The following ZNF609 variants were observed in gnomAD, a reference collection of about 807,000 sequenced individuals.
The protein encoded by ZNF609 is zinc finger protein 609.
Under a neutral mutation model 109.5 loss-of-function variants are expected in ZNF609, and 11 were observed. The observed-to-expected ratio is 0.10, with a 90% CI of 0.06 to 0.17. The LOEUF is 0.17. ZNF609 is among the 10% of genes least tolerant of loss of function. The pLI, the probability that ZNF609 is intolerant of heterozygous loss-of-function variation, is 1.00. For synonymous variants in ZNF609, 646 were observed against 662.0 expected (o/e 0.98, Z 0.37); for missense variants, 1,559 against 1,772.4 (o/e 0.88, Z 2.16).
rs2083227491 is a variant in ZNF609, at chr15:64,684,171, T to C, written c.*2485T>C. The stretch of plus-strand genomic sequence containing the variant: ...TCTTGACAAGTGCTGAGTGAAAGAT[T>C]TGCTGCCCACCTCTACATGGGGAGG... On this transcript the variant is annotated 3_prime_UTR_variant, in exon 10 of 10. Transcript: ENST00000326648. 1 of 152,108 alleles carries C rather than the reference T, an allele frequency of 6.6e-6. No homozygotes were observed. The highest frequency in any genetic ancestry group is 2.4e-5 in the African/African-American group (1 of 41,416). The allele number at this position is 152,108 out of a possible 1,614,324, so 9.4% of individuals were successfully genotyped here.
chr15:64,618,844 G>T (rs1595741204), intron 2 of ZNF609, among the ~76,000 whole-genome samples: 1 of 152,198 alleles, frequency 6.6e-6, no homozygotes, highest in East Asian at 1.9e-4. Context: ...CCGCTTGTGT[G>T]TCTGCCTGCT....
Position 64,500,141 on chromosome 15 carries a change from T to G in ZNF609, c.722T>G (p.Leu241Arg), listed in dbSNP as rs1468422263. Reference protein sequence around the residue: ...EPEEGENECRLLKKVKSEKME... With the variant: ...EPEEGENECRRLKKVKSEKME... ...GAGGAAGGGGAGAATGAGTGTCGCCTGCTAAAGAAAGTCAAGTCTGAAAAG... is the reference window on the plus strand; with the variant it reads ...GAGGAAGGGGAGAATGAGTGTCGCCGGCTAAAGAAAGTCAAGTCTGAAAAG... Residue 241 changes from leucine (L) to arginine (R), a missense_variant, in exon 2 of 10, where the codon CTG becomes CGG. By Grantham distance (102) the Leu-to-Arg change is moderately radical. Transcript: ENST00000326648. The G allele has an allele frequency of 6.2e-7, 1 of 1,613,566 alleles. No homozygotes were observed. Among genetic ancestry groups the G allele is most frequent in the Non-Finnish European group, 8.5e-7 (1 of 1,180,012 alleles).
intron 2 of ZNF609, among the ~76,000 whole-genome samples, chr15:64,601,163 T>G (rs1895491703): frequency 6.6e-6 from 1 of 152,176 alleles, no homozygotes; most frequent in Admixed American, 6.5e-5. Flanking sequence ...ATAATTTTAT[T>G]TTACAATAAA....
In ZNF609 at chr15:64,564,741, G is replaced by A. The variant is rs1028344287; in HGVS notation, c.748-58086G>A. Reference sequence around the variant, plus strand: ...GTCTGGGTTTTATTAAACCAGATACGTATAAGAGCATGTCAAATTTAACCA... The same window carrying A: ...GTCTGGGTTTTATTAAACCAGATACATATAAGAGCATGTCAAATTTAACCA... On this transcript the variant is annotated intron_variant, in intron 2 of 9. Coordinates refer to ENST00000326648, the MANE Select transcript of ZNF609 (RefSeq NM_015042.2). Among the ~76,000 whole-genome samples, 5 of 151,948 alleles carry A rather than the reference G, an allele frequency of 3.3e-5. No individual in the cohort carries two copies. In the East Asian group the frequency reaches 5.8e-4, roughly 18 times the overall value.
chr15:64,574,650 A>C (rs1894918704), intron 2 of ZNF609, among the ~76,000 whole-genome samples: 1 of 152,194 alleles, frequency 6.6e-6, no homozygotes, highest in Non-Finnish European at 1.5e-5. Flanking sequence ...CAGCTGCCCC[A>C]GATAACCTGC....
At chr15:64,635,628 G>A (rs999782212) in intron 3 of ZNF609, among the ~76,000 whole-genome samples, 1 of 152,160 alleles carries the variant, frequency 6.6e-6, no homozygotes, top group African/African-American at 2.4e-5. Context: ...GAGCCCTCTG[G>A]TCTTAGTGCT....
chr15:64,594,860 A>C (rs1031933756), intron 2 of ZNF609, among the ~76,000 whole-genome samples: 3 of 150,100 alleles, frequency 2.0e-5, no homozygotes, highest in African/African-American at 7.4e-5. Context: ...CCTCGTCTCT[A>C]CTAAAAATAC....
intron 1 of ZNF609, among the ~76,000 whole-genome samples, chr15:64,462,416 A>T (rs944388686): frequency 6.6e-6 from 1 of 152,180 alleles, no homozygotes; most frequent in African/African-American, 2.4e-5. Flanking sequence ...TGAATGGAAC[A>T]CTCATGCAGT....
chr15:64,534,887 G>A (rs1894116107), intron 2 of ZNF609, among the ~76,000 whole-genome samples: 1 of 151,866 alleles, frequency 6.6e-6, no homozygotes, highest in African/African-American at 2.4e-5. Flanking sequence ...ACAAAAATTA[G>A]ACGGGCATGG....
At chr15:64,529,780 G>A (rs1894030428) in intron 2 of ZNF609, 1 of 496,496 alleles carries the variant, frequency 2.0e-6, no homozygotes, top group Non-Finnish European at 3.8e-6. Flanking sequence ...ACCCAGGCTG[G>A]AGTGCAATGG....
intron 3 of ZNF609, among the ~76,000 whole-genome samples, chr15:64,634,078 A>G (rs79947369): frequency 0.052 from 7,914 of 151,614 alleles, 288 homozygotes; most frequent in African/African-American, 0.1. Flanking sequence ...GCATATATAT[A>G]TGTGTGTGTG....
intron 7 of ZNF609, 65 bp from the exon 8 acceptor site, chr15:64,680,581 G>T: frequency 7.4e-7 from 1 of 1,354,976 alleles, no homozygotes; most frequent in Middle Eastern, 2.2e-4. Flanking sequence ...GTGTGTGTGT[G>T]TGTGTGTGGT....
chr15:64,483,950 A>G (rs1224101598), intron 1 of ZNF609, among the ~76,000 whole-genome samples: 1 of 151,840 alleles, frequency 6.6e-6, no homozygotes, highest in African/African-American at 2.4e-5. Flanking sequence ...CTGCCTGCTT[A>G]CTTGGTTTTG....
intron 3 of ZNF609, among the ~76,000 whole-genome samples, chr15:64,661,483 A>G (rs1427489428): frequency 6.6e-6 from 1 of 152,188 alleles, no homozygotes; most frequent in Non-Finnish European, 1.5e-5. Flanking sequence ...GTTAGGGTGT[A>G]TTTGTATCCA....
At chr15:64,637,891 TTTTG>T (rs1248346881) in intron 3 of ZNF609, among the ~76,000 whole-genome samples, 1 of 150,366 alleles carries the variant, frequency 6.7e-6, no homozygotes, top group African/African-American at 2.4e-5. Flanking sequence ...TTTTTAAATT[TTTTG>T]TTTTTCTTTT....
At chr15:64,486,917 AAAT>A (rs1273312917) in intron 1 of ZNF609, among the ~76,000 whole-genome samples, 1 of 152,142 alleles carries the variant, frequency 6.6e-6, no homozygotes, top group Non-Finnish European at 1.5e-5. Flanking sequence ...CCATTTTTCT[AAAT>A]AATAATGTGT....
intron 3 of ZNF609, among the ~76,000 whole-genome samples, chr15:64,661,910 G>A (rs1896582961): frequency 6.6e-6 from 1 of 152,164 alleles, no homozygotes; most frequent in Non-Finnish European, 1.5e-5. Context: ...TATCTGTTAT[G>A]TAACAAATTA....
At chr15:64,541,710 G>T (rs1894266540) in intron 2 of ZNF609, among the ~76,000 whole-genome samples, 6 of 150,926 alleles carry the variant, frequency 4.0e-5, no homozygotes, top group Admixed American at 4.0e-4. Context: ...CCTCGTGGTG[G>T]GCGCCTGTAG....
At chr15:64,541,937 T>G (rs2140382328) in intron 2 of ZNF609, among the ~76,000 whole-genome samples, 1 of 152,270 alleles carries the variant, frequency 6.6e-6, no homozygotes, top group African/African-American at 2.4e-5. Context: ...GAGTCCATTT[T>G]TTCCTTTCTC....
Sources: gnomAD v4.1 joint callset for allele counts (sites outside exome capture counted in the v4.1 genomes callset) on GRCh38, gnomAD v4.1.1 for gene constraint, MANE v1.5 for transcripts, NCBI Gene and HGNC (gene_info 2026-07-23, HGNC 2026-07-21) for gene names.